The following BLOC1S3 variants were observed in gnomAD, a reference collection of about 807,000 sequenced individuals.
BLOC1S3 encodes biogenesis of lysosomal organelles complex 1 subunit 3.
Under a neutral mutation model 9.1 loss-of-function variants are expected in BLOC1S3, and 7 were observed. That is an observed-to-expected ratio of 0.77 (90% CI 0.44 to 1.45). BLOC1S3 has a LOEUF of 1.45. BLOC1S3 is among the 40% of genes most tolerant of loss of function. The pLI, the probability that BLOC1S3 is intolerant of heterozygous loss-of-function variation, is 0.01. For missense variants in BLOC1S3, 307 were observed against 315.2 expected (o/e 0.97, Z 0.20); for synonymous variants, 145 against 158.4 (o/e 0.92, Z 0.64).
At chr19:45,192,661 C>G (rs1969614869) in intron 2 of BLOC1S3, among the ~76,000 whole-genome samples, 1 of 152,168 alleles carries the variant, frequency 6.6e-6, no homozygotes, top group African/African-American at 2.4e-5. Flanking sequence ...TGGGCTATTT[C>G]CTTCAAGGCA....
chr19:45,198,703 TG>T (rs1235166733), intron 2 of BLOC1S3, among the ~76,000 whole-genome samples: 1 of 152,120 alleles, frequency 6.6e-6, no homozygotes, highest in East Asian at 1.9e-4. Flanking sequence ...TTTTTGTTTT[TG>T]TTTTTGAGAC....
intron 2 of BLOC1S3, among the ~76,000 whole-genome samples, chr19:45,194,566 C>T (rs370697073): frequency 4.6e-5 from 7 of 152,308 alleles, no homozygotes; most frequent in East Asian, 3.9e-4. Context: ...TAGACACAAT[C>T]TAAATGTCAA....
At position 45,191,972 on chromosome 19, in the gene BLOC1S3, A is replaced by G. The variant is rs115536140; in HGVS notation, n.180+4232A>G. On this transcript the variant is annotated intron_variant and non_coding_transcript_variant, in intron 2 of 3. Transcript: ENST00000591569. ...AAGGCCCTAGGGCTCTGTGAGGAGC[A>G]GACGGCAAATCCAGCCAGGCTTGTG... Among the ~76,000 whole-genome samples, 1,346 of 152,326 alleles carry G rather than the reference A, an allele frequency of 8.8e-3. 23 individuals carry two copies. The highest frequency in any genetic ancestry group is 0.03 in the African/African-American group (1,263 of 41,568).
rs886054492 is a variant in BLOC1S3, at chr19:45,180,062, A to G, written c.*157A>G. ...ATCCGGTCCCCTTGGATAATGCTTT[A>G]TATTGGATATAGTTCAACCCCTACT... is the stretch of plus-strand genomic sequence containing the variant. On this transcript the variant is annotated 3_prime_UTR_variant, in exon 2 of 2. Coordinates refer to ENST00000433642, the MANE Select transcript of BLOC1S3 (RefSeq NM_212550.5). The G allele has an allele frequency of 2.8e-5, 22 of 775,650 alleles. No individual in the cohort carries two copies. The highest frequency in any genetic ancestry group is 4.0e-5 in the Non-Finnish European group (20 of 499,218). 48.0% of individuals were successfully genotyped at this position (775,650 alleles called of 1,614,324 possible).
At chr19:45,207,656 G>T (rs1418592486) in intron 3 of BLOC1S3, among the ~76,000 whole-genome samples, 3 of 147,568 alleles carry the variant, frequency 2.0e-5, no homozygotes, top group Non-Finnish European at 4.5e-5. Context: ...AGAATTGCTT[G>T]AACCCAGGAG....
downstream of BLOC1S3, among the ~76,000 whole-genome samples, chr19:45,186,042 G>T (rs1599749591): frequency 6.6e-6 from 1 of 151,934 alleles, no homozygotes; most frequent in East Asian, 1.9e-4. Context: ...AAACCTGGGA[G>T]GCGAACATTG....
intron 3 of BLOC1S3, chr19:45,215,963 C>A (rs955067051): frequency 6.8e-7 from 1 of 1,476,276 alleles, no homozygotes; most frequent in Admixed American, 2.1e-5. Flanking sequence ...CCGTCAGACA[C>A]GCTCACCGGC....
chr19:45,186,879 C>CGGGGTTTCACCATGTTAGTCAGGATGGT (rs1969569719), upstream of BLOC1S3, among the ~76,000 whole-genome samples: 1 of 152,216 alleles, frequency 6.6e-6, no homozygotes, highest in Non-Finnish European at 1.5e-5. Context: ...TCTGGGCTGT[C>CGGGGTTTCACCATGTTAGTCAGGATGGT]CTCTAAGCTG....
In BLOC1S3 at chr19:45,197,913, A is replaced by AC. The variant is rs1315994211; in HGVS notation, n.181-4492dup. Among the ~76,000 whole-genome samples the AC allele has an allele frequency of 3.3e-5, 5 of 151,612 alleles. No individual in the cohort carries two copies. In the South Asian group the frequency reaches 1.0e-3, roughly 32 times the overall value. ...CTAGCCAGCCCTCCTGAAGCACTAG[A>AC]CAGGGGAACAAGTCAGAGTTTGCAG... On this transcript the variant is annotated intron_variant and non_coding_transcript_variant, in intron 2 of 3. Coordinates refer to the BLOC1S3 transcript ENST00000591569.
intron 2 of BLOC1S3, among the ~76,000 whole-genome samples, chr19:45,196,420 G>A (rs1969648926): frequency 2.6e-5 from 4 of 152,062 alleles, no homozygotes; most frequent in Non-Finnish European, 1.5e-5. Context: ...GTGAGGCTGA[G>A]CTAGGAGGTC....
chr19:45,216,124 G>T, intron 3 of BLOC1S3: 3 of 1,614,014 alleles, frequency 1.9e-6, no homozygotes, highest in Non-Finnish European at 2.5e-6. Context: ...CTGGATGCTG[G>T]GCGTGTCTTC....
chr19:45,200,340 C>T (rs1434864989), intron 2 of BLOC1S3, among the ~76,000 whole-genome samples: 1 of 152,058 alleles, frequency 6.6e-6, no homozygotes, highest in African/African-American at 2.4e-5. Context: ...TACCACCACG[C>T]CTGGCTAATT....
rs1599759895 is a variant in BLOC1S3 at position 45,216,297 on chromosome 19, C to T, written n.283-379C>T. 12 of 1,456,082 alleles carry T rather than the reference C, an allele frequency of 8.2e-6. No homozygotes were observed. The East Asian group carries it at 3.0e-4, about 36-fold the overall frequency. The allele number at this position is 1,456,082 out of a possible 1,614,324, so 90.2% of individuals were successfully genotyped here. A position where few individuals can be genotyped will look rare whatever the true frequency, so the allele number is the denominator to read the frequency against. Reference sequence around the variant, plus strand: ...ACCATCTCTAAAATGTAGCAGAAACCAGGGGTGGTGGCTCAAGCCTGTAAT... The same window carrying T: ...ACCATCTCTAAAATGTAGCAGAAACTAGGGGTGGTGGCTCAAGCCTGTAAT... On this transcript the variant is annotated intron_variant and non_coding_transcript_variant, in intron 3 of 3. Transcript: ENST00000591569.
chr19:45,213,807 A>AG (rs974803606), intron 3 of BLOC1S3, among the ~76,000 whole-genome samples: 15 of 150,686 alleles, frequency 1.0e-4, no homozygotes, highest in Non-Finnish European at 2.1e-4. Flanking sequence ...AAAAAAAAAA[A>AG]GCTGGGTGTG....
intron 2 of BLOC1S3, among the ~76,000 whole-genome samples, chr19:45,199,539 C>T (rs1969673973): frequency 6.6e-6 from 1 of 151,984 alleles, no homozygotes. Context: ...TGGTCTCAAA[C>T]TCCTGACCTC....
At chr19:45,213,278 G>A (rs771973379) in intron 3 of BLOC1S3, 15 of 1,613,748 alleles carry the variant, frequency 9.3e-6, no homozygotes, top group Middle Eastern at 1.7e-4. Flanking sequence ...TCCAGGTCCC[G>A]GGCCACGGCC....
At chr19:45,214,910 C>T (rs1271185750) in intron 3 of BLOC1S3, among the ~76,000 whole-genome samples, 1 of 152,052 alleles carries the variant, frequency 6.6e-6, no homozygotes, top group Non-Finnish European at 1.5e-5. Context: ...AATCTCAGCA[C>T]TTTGGGAGGC....
intron 3 of BLOC1S3, among the ~76,000 whole-genome samples, chr19:45,211,615 C>A (rs1969771654): frequency 6.6e-6 from 1 of 151,862 alleles, no homozygotes; most frequent in South Asian, 2.1e-4. Flanking sequence ...TTAAGCAATT[C>A]CCCCAGAAAG....
intron 2 of BLOC1S3, among the ~76,000 whole-genome samples, chr19:45,194,102 CTTTTTTTTTTTTTT>C (rs34470523): frequency 2.2e-5 from 1 of 45,120 alleles, no homozygotes; most frequent in East Asian, 5.0e-4. Context: ...CGCGCCTGGC[CTTTTTTTTTTTTTT>C]TTTTTTTTTT....
Sources: allele counts gnomAD v4.1 joint callset (sites outside exome capture counted in the v4.1 genomes callset), GRCh38; gene constraint gnomAD v4.1.1; transcripts MANE v1.5; gene names NCBI Gene and HGNC (gene_info 2026-07-23, HGNC 2026-07-21).